Variants in SNX29 observed in about 807,000 individuals in gnomAD.
SNX29 encodes the protein sorting nexin 29, also known as sorting nexin-29.
Under a neutral mutation model 102.1 loss-of-function variants are expected in SNX29, and 78 were observed. The observed-to-expected ratio is 0.76, with a 90% CI of 0.64 to 0.92. The LOEUF (loss-of-function observed/expected upper bound fraction) is 0.92, where lower values mean the gene tolerates loss of function less well. Among genes scored for constraint, SNX29 ranks in the 40% least tolerant of loss-of-function variants. The pLI is 0.00. For missense variants in SNX29, 1,280 were observed against 1,061.7 expected, an observed-to-expected ratio of 1.21 and a Z score of -2.86; for synonymous variants, 580 against 414.5, an observed-to-expected ratio of 1.40 and a Z score of -4.85.
intron 14 of SNX29, among the ~76,000 whole-genome samples, chr16:12,222,817 C>T (rs1338607828): frequency 2.0e-5 from 3 of 152,214 alleles, no homozygotes; most frequent in Non-Finnish European, 4.4e-5. Flanking sequence ...GATCCGCCCA[C>T]CTCAGACTCC....
intron 20 of SNX29, among the ~76,000 whole-genome samples, chr16:12,525,307 C>G (rs1022529209): frequency 6.6e-6 from 1 of 151,146 alleles, no homozygotes; most frequent in South Asian, 2.1e-4. Context: ...TATTTAAATG[C>G]CTTCTTCTCT....
rs1555549927 is a variant in SNX29 at position 12,483,118 on chromosome 16, T to TTGTTTTTG, written c.2178+5260_2178+5261insGTTTTTGT. 1.8e-3 allele frequency among the ~76,000 whole-genome samples: 187 copies of TTGTTTTTG among 101,370 alleles called. 4 individuals are homozygous for TTGTTTTTG. The highest frequency in any genetic ancestry group is 2.9e-3 in the Non-Finnish European group (149 of 52,238). 66.5% of individuals were successfully genotyped at this position (101,370 alleles called of 152,430 possible). A position where few individuals can be genotyped will look rare whatever the true frequency, so the allele number is the denominator to read the frequency against. On this transcript the variant is annotated intron_variant, in intron 19 of 20. Transcript: ENST00000566228. ...GATACATATTGAAGTTATTAAGTTT[T>TTGTTTTTG]TTTTTTTTTTTTTTTTTTTTTTTTT...
chr16:12,426,659 A>G (rs2085091716), intron 18 of SNX29, among the ~76,000 whole-genome samples: 1 of 152,274 alleles, frequency 6.6e-6, no homozygotes, highest in East Asian at 1.9e-4. Flanking sequence ...TTGTATCTCA[A>G]TTTTTAAAAA....
chr16:12,402,349 C>G (rs2083979489), intron 17 of SNX29, among the ~76,000 whole-genome samples: 2 of 152,188 alleles, frequency 1.3e-5, no homozygotes, highest in Admixed American at 1.3e-4. Context: ...TCACCGGTGT[C>G]TCAAATTGTG....
In SNX29 at chr16:12,240,585, C is replaced by CTTTTTTTTTTTTTTTTTTTTTTTT. The variant is rs1180028807; in HGVS notation, c.1679-37344_1679-37321dup. On this transcript the variant is annotated intron_variant, in intron 14 of 20. Coordinates refer to ENST00000566228, the MANE Select transcript of SNX29 (RefSeq NM_032167.5). Reference sequence around the variant, plus strand: ...ATAAAATAGCATTTCTTTGTCATTTCTTTTTTTTTTTTTTTTTTTTTTTTT... The same window carrying CTTTTTTTTTTTTTTTTTTTTTTTT: ...ATAAAATAGCATTTCTTTGTCATTTCTTTTTTTTTTTTTTTTTTTTTTTTTTTTTTTTTTTTTTTTTTTTTTTTT... 3.1e-5 allele frequency among the ~76,000 whole-genome samples: 2 copies of CTTTTTTTTTTTTTTTTTTTTTTTT among 64,806 alleles called. 1 individual carries two copies. The highest frequency in any genetic ancestry group is 1.2e-3 in the East Asian group (2 of 1,718). 42.5% of individuals were successfully genotyped at this position (64,806 alleles called of 152,430 possible).
chr16:12,394,163 C>A (rs866666221), intron 16 of SNX29, among the ~76,000 whole-genome samples: 2 of 152,174 alleles, frequency 1.3e-5, no homozygotes, highest in East Asian at 3.9e-4. Context: ...AGGTTTTAGA[C>A]CCAGTTGTGC....
At chr16:12,014,890 T>C (rs539710135) in intron 3 of SNX29, among the ~76,000 whole-genome samples, 12 of 152,162 alleles carry the variant, frequency 7.9e-5, no homozygotes, top group Non-Finnish European at 1.3e-4. Flanking sequence ...TTCACACTTA[T>C]GGTACCTTGA....
intron 20 of SNX29, among the ~76,000 whole-genome samples, chr16:12,537,021 G>A (rs532557782): frequency 7.2e-5 from 11 of 152,128 alleles, no homozygotes; most frequent in Admixed American, 2.6e-4. Flanking sequence ...CATGGGGGCC[G>A]GGGGAGCACA....
chr16:12,226,692 G>C (rs1240289918), intron 14 of SNX29, among the ~76,000 whole-genome samples: 8 of 151,444 alleles, frequency 5.3e-5, no homozygotes, highest in African/African-American at 1.7e-4. Flanking sequence ...TCCTGCCTCA[G>C]CCTCCCGAGT....
intron 1 of SNX29, among the ~76,000 whole-genome samples, chr16:11,987,470 C>T (rs895086978): frequency 6.7e-6 from 1 of 148,454 alleles, no homozygotes; most frequent in African/African-American, 2.5e-5. Flanking sequence ...GCGGTGTGAT[C>T]ACTGCAACCT....
chr16:12,444,008 C>G (rs2085927366), intron 18 of SNX29, among the ~76,000 whole-genome samples: 9 of 151,334 alleles, frequency 5.9e-5, no homozygotes, highest in Admixed American at 5.9e-4. Flanking sequence ...CTCAGTATAG[C>G]ACCTAGCACG....
At chr16:12,091,154 C>G (rs2052524224) in intron 11 of SNX29, among the ~76,000 whole-genome samples, 4 of 151,908 alleles carry the variant, frequency 2.6e-5, no homozygotes, top group Admixed American at 2.6e-4. Flanking sequence ...TTCATAGCAT[C>G]CGTGTAAAAT....
At chr16:12,166,389 A>G (rs918830874) in intron 13 of SNX29, among the ~76,000 whole-genome samples, 1 of 152,190 alleles carries the variant, frequency 6.6e-6, no homozygotes, top group African/African-American at 2.4e-5. Flanking sequence ...AAATCTATCC[A>G]TGGGCTGTGG....
intron 11 of SNX29, chr16:12,088,206 C>T (rs1441651162): frequency 2.3e-6 from 1 of 438,882 alleles, no homozygotes; most frequent in East Asian, 7.0e-5. Flanking sequence ...ACAGGAGAGG[C>T]AGGAACAGAT....
chr16:12,080,163 G>A (rs1183136800), intron 11 of SNX29, among the ~76,000 whole-genome samples: 1 of 152,052 alleles, frequency 6.6e-6, no homozygotes, highest in Non-Finnish European at 1.5e-5. Context: ...TCGTGTCTTG[G>A]GCCAGCATTC....
At chr16:12,131,239 A>T (rs1166025870) in intron 13 of SNX29, among the ~76,000 whole-genome samples, 1 of 152,174 alleles carries the variant, frequency 6.6e-6, no homozygotes, top group East Asian at 1.9e-4. Flanking sequence ...CCATTTCTCT[A>T]ATTAAGAGTA....
intron 15 of SNX29, among the ~76,000 whole-genome samples, chr16:12,345,347 A>G (rs1367611563): frequency 6.6e-6 from 1 of 152,176 alleles, no homozygotes; most frequent in Admixed American, 6.5e-5. Context: ...TTCCTCCCAT[A>G]TAAAATAGGG....
At chr16:12,419,396 C>T (rs1354015833) in intron 18 of SNX29, among the ~76,000 whole-genome samples, 1 of 152,128 alleles carries the variant, frequency 6.6e-6, no homozygotes, top group African/African-American at 2.4e-5. Flanking sequence ...CCACCTCATT[C>T]TTCTCATCAA....
intron 18 of SNX29, among the ~76,000 whole-genome samples, chr16:12,444,098 C>T (rs993011638): frequency 1.3e-5 from 2 of 151,596 alleles, no homozygotes; most frequent in African/African-American, 4.9e-5. Context: ...CTCAGTATAG[C>T]ACCTAGCACG....
Sources: gnomAD v4.1 joint callset for allele counts (sites outside exome capture counted in the v4.1 genomes callset) on GRCh38, gnomAD v4.1.1 for gene constraint, MANE v1.5 for transcripts, NCBI Gene and HGNC (gene_info 2026-07-23, HGNC 2026-07-21) for gene names.